The following NDUFAF2 variants were observed in gnomAD, a reference collection of about 807,000 sequenced individuals.
The protein encoded by NDUFAF2 is NADH:ubiquinone oxidoreductase complex assembly factor 2.
A neutral mutation model predicts 22.8 loss-of-function variants in NDUFAF2; 13 were observed. That is an observed-to-expected ratio of 0.57 (90% CI 0.37 to 0.91). The LOEUF (loss-of-function observed/expected upper bound fraction) is 0.91, where lower values mean the gene tolerates loss of function less well. Ranked by LOEUF, NDUFAF2 falls within the 40% of genes least tolerant of loss-of-function variation. NDUFAF2 has a pLI of 0.01. For synonymous variants in NDUFAF2, 53 were observed against 64.2 expected (o/e 0.83, Z 0.84); for missense variants, 162 against 195.2 (o/e 0.83, Z 1.01).
intron 1 of NDUFAF2, among the ~76,000 whole-genome samples, chr5:61,023,132 A>G (rs1216586162): frequency 1.3e-5 from 2 of 152,096 alleles, no homozygotes; most frequent in African/African-American, 4.8e-5. Context: ...ATTTCCTTCT[A>G]GAATGCCTAG....
intron 1 of NDUFAF2, among the ~76,000 whole-genome samples, chr5:60,955,945 C>T (rs1201314451): frequency 6.8e-6 from 1 of 146,786 alleles, no homozygotes; most frequent in Non-Finnish European, 1.5e-5. Context: ...GATAGAGTCT[C>T]GCTCTGTCAC....
intron 1 of NDUFAF2, among the ~76,000 whole-genome samples, chr5:61,065,653 G>T (rs1014660877): frequency 1.3e-5 from 2 of 152,062 alleles, no homozygotes; most frequent in African/African-American, 4.8e-5. Flanking sequence ...ATTCTTTCTT[G>T]TTAAAAATTC....
At chr5:61,034,361 C>CTA (rs1751769096) in intron 1 of NDUFAF2, among the ~76,000 whole-genome samples, 1 of 152,072 alleles carries the variant, frequency 6.6e-6, no homozygotes. Context: ...CCAAATGCAC[C>CTA]TAGGCTATAG....
At chr5:60,972,640 T>C (rs1306445378) in intron 1 of NDUFAF2, among the ~76,000 whole-genome samples, 1 of 152,202 alleles carries the variant, frequency 6.6e-6, no homozygotes, top group Non-Finnish European at 1.5e-5. Flanking sequence ...TACAGCATTT[T>C]TAAATCACTT....
intron 2 of NDUFAF2, among the ~76,000 whole-genome samples, chr5:61,096,091 A>C (rs1752636077): frequency 6.6e-6 from 1 of 152,262 alleles, no homozygotes; most frequent in East Asian, 1.9e-4. Context: ...GAATTGTGGT[A>C]TTGCTAAGCT....
intron 3 of NDUFAF2, among the ~76,000 whole-genome samples, chr5:61,141,298 C>T (rs1299210944): frequency 6.6e-6 from 1 of 151,788 alleles, no homozygotes; most frequent in Admixed American, 6.6e-5. Context: ...ATTCTCATAA[C>T]ATTCTTTGTT....
Position 61,152,788 on chromosome 5 carries a change from G to T in NDUFAF2, c.343G>T (p.Glu115Ter), listed in dbSNP as rs1741264026. The change falls in exon 4 of 4, where the codon GAG (glutamate) becomes TAG (stop). Residue 115 changes from glutamate to a stop codon, truncating the protein, a stop_gained. Coordinates refer to ENST00000296597, the MANE Select transcript of NDUFAF2 (RefSeq NM_174889.5). LOFTEE classifies it high-confidence loss of function. ...FYEKEKLLSK[E>*]TSEELLPPPV... ...TGAAAAAGAAAAACTCCTTAGTAAA[G>T]AGACCAGTGAGGAACTCCTGCCTCC... 2 of 1,598,736 alleles carry T rather than the reference G, an allele frequency of 1.3e-6. No homozygotes were observed. Among genetic ancestry groups the T allele is most frequent in the Non-Finnish European group, 1.7e-6 (2 of 1,171,884 alleles).
At chr5:61,010,006 CCAATGTTCCTT>C (rs1751424298) in intron 1 of NDUFAF2, among the ~76,000 whole-genome samples, 1 of 152,060 alleles carries the variant, frequency 6.6e-6, no homozygotes, top group Non-Finnish European at 1.5e-5. Context: ...TGACTTACTC[CCAATGTTCCTT>C]CAATTGTCTG....
At chr5:61,049,346 G>A (rs994534584) in intron 1 of NDUFAF2, among the ~76,000 whole-genome samples, 100 of 152,104 alleles carry the variant, frequency 6.6e-4, no homozygotes, top group African/African-American at 2.2e-3. Flanking sequence ...CAAAAAAGCC[G>A]TATAAGGAAT....
At chr5:61,060,612 C>T (rs1425246292) in intron 1 of NDUFAF2, among the ~76,000 whole-genome samples, 1 of 152,032 alleles carries the variant, frequency 6.6e-6, no homozygotes, top group Admixed American at 6.6e-5. Flanking sequence ...CCCAGGAGCT[C>T]GTGTCAGGTT....
intron 3 of NDUFAF2, among the ~76,000 whole-genome samples, chr5:61,140,218 A>G (rs188537243): frequency 1.5e-3 from 227 of 152,314 alleles, no homozygotes; most frequent in Non-Finnish European, 3.0e-3. Flanking sequence ...AGAAACAGGG[A>G]TTGTCCTCAT....
intron 1 of NDUFAF2, among the ~76,000 whole-genome samples, chr5:61,047,429 T>A (rs1038659233): frequency 6.6e-6 from 1 of 152,096 alleles, no homozygotes; most frequent in Non-Finnish European, 1.5e-5. Context: ...AAAAAAAGTT[T>A]AAGTTGATTT....
chr5:61,096,365 C>T (rs1340326717), intron 2 of NDUFAF2, among the ~76,000 whole-genome samples: 1 of 152,076 alleles, frequency 6.6e-6, no homozygotes, highest in Middle Eastern at 3.2e-3. Context: ...CTTTGGGAGG[C>T]TGAGGCGAGC....
intron 1 of NDUFAF2, among the ~76,000 whole-genome samples, chr5:61,002,382 T>C (rs1202692301): frequency 1.3e-5 from 2 of 152,122 alleles, no homozygotes; most frequent in Admixed American, 6.6e-5. Context: ...TCATTCTGAT[T>C]TAAGATTATG....
At position 61,004,262 on chromosome 5, in the gene NDUFAF2, T is replaced by C. The variant is rs149454087; in HGVS notation, c.127+58880T>C. Among the ~76,000 whole-genome samples the C allele has an allele frequency of 6.4e-3, 970 of 152,252 alleles. 5 individuals are homozygous for C. Among genetic ancestry groups the C allele is most frequent in the Non-Finnish European group, 0.011 (715 of 68,004 alleles). The stretch of plus-strand genomic sequence containing the variant: ...TTCTATGTTCATATATCTCATGTAC[T>C]TTCTTATAGCAAACATGATTTCCTG... On this transcript the variant is annotated intron_variant, in intron 1 of 3. Transcript: ENST00000296597.
At chr5:61,129,633 G>A (rs1469799892) in intron 3 of NDUFAF2, among the ~76,000 whole-genome samples, 1 of 148,604 alleles carries the variant, frequency 6.7e-6, no homozygotes, top group Non-Finnish European at 1.5e-5. Flanking sequence ...CACACAATGG[G>A]GCCTGTTGTG....
At chr5:61,051,702 C>T (rs192014631) in intron 1 of NDUFAF2, among the ~76,000 whole-genome samples, 4 of 151,728 alleles carry the variant, frequency 2.6e-5, no homozygotes, top group African/African-American at 9.7e-5. Context: ...AATTGTGGTA[C>T]AATAAAACTA....
rs181765328 is a variant in NDUFAF2 at position 61,151,671 on chromosome 5, G to A, written c.259-1033G>A. Among the ~76,000 whole-genome samples the A allele has an allele frequency of 2.3e-3, 347 of 152,190 alleles. 1 individual carries two copies. The highest frequency in any genetic ancestry group is 6.7e-3 in the African/African-American group (280 of 41,544). ...CACATGCCTGTAATCCCAGCTACTC[G>A]GGAGGCTGAGGCAGGAGAATCACTT... On this transcript the variant is annotated intron_variant, in intron 3 of 3. Coordinates refer to ENST00000296597, the MANE Select transcript of NDUFAF2 (RefSeq NM_174889.5).
At chr5:61,105,561 A>G (rs1381892260) in intron 3 of NDUFAF2, among the ~76,000 whole-genome samples, 1 of 150,896 alleles carries the variant, frequency 6.6e-6, no homozygotes, top group East Asian at 1.9e-4. Context: ...GAATGAAAAA[A>G]AAAACTTAAG....
Sources: gnomAD v4.1 joint callset for allele counts (sites outside exome capture counted in the v4.1 genomes callset) on GRCh38, gnomAD v4.1.1 for gene constraint, MANE v1.5 for transcripts, NCBI Gene and HGNC (gene_info 2026-07-23, HGNC 2026-07-21) for gene names.